The following MSRA variants were observed in gnomAD, a reference collection of about 807,000 sequenced individuals.
The protein encoded by MSRA is methionine sulfoxide reductase A.
A neutral mutation model predicts 31.3 loss-of-function variants in MSRA; 54 were observed. The ratio of observed to expected loss-of-function variants is 1.73; its 90% CI spans 1.39 to 2.17. The LOEUF is 2.17. Among genes scored for constraint, MSRA ranks in the 30% most tolerant of loss-of-function variants. The pLI is 0.00. For synonymous variants in MSRA, 169 were observed against 116.5 expected (o/e 1.45, Z -2.90); for missense variants, 507 against 300.9 (o/e 1.69, Z -5.07).
intron 1 of MSRA, among the ~76,000 whole-genome samples, chr8:10,113,681 G>A (rs1415290911): frequency 1.3e-5 from 2 of 151,928 alleles, no homozygotes; most frequent in Non-Finnish European, 2.9e-5. Context: ...AGTTAAAGGT[G>A]GAAGACTGTT....
At chr8:10,283,836 T>TATATATATATATATACAC (rs1261287031) in intron 3 of MSRA, among the ~76,000 whole-genome samples, 3 of 53,166 alleles carry the variant, frequency 5.6e-5, no homozygotes, top group African/African-American at 1.7e-4. Flanking sequence ...TATATATATA[T>TATATATATATATATACAC]ACACACACAC....
intron 4 of MSRA, among the ~76,000 whole-genome samples, chr8:10,306,758 G>A (rs2129128835): frequency 6.6e-6 from 1 of 152,208 alleles, no homozygotes; most frequent in South Asian, 2.1e-4. Context: ...TGGGACTCGG[G>A]GCACAGACTG....
At chr8:10,071,799 A>G (rs914529082) in intron 1 of MSRA, among the ~76,000 whole-genome samples, 1 of 152,204 alleles carries the variant, frequency 6.6e-6, no homozygotes, top group African/African-American at 2.4e-5. Context: ...AGCAAAAACC[A>G]TCATTATGCC....
chr8:10,347,331 C>G (rs1658892687), intron 5 of MSRA, among the ~76,000 whole-genome samples: 1 of 152,204 alleles, frequency 6.6e-6, no homozygotes, highest in African/African-American at 2.4e-5. Context: ...TTACGGATAT[C>G]TGCAACTGGA....
chr8:10,154,924 T>A (rs1248033870), intron 1 of MSRA, among the ~76,000 whole-genome samples: 1 of 150,684 alleles, frequency 6.6e-6, no homozygotes, highest in Admixed American at 6.6e-5. Flanking sequence ...AGCTTAACAT[T>A]ACCTTTTTAA....
At chr8:10,321,730 AG>A (rs1802053673) in intron 5 of MSRA, among the ~76,000 whole-genome samples, 1 of 152,192 alleles carries the variant, frequency 6.6e-6, no homozygotes, top group African/African-American at 2.4e-5. Context: ...CACGTCATGA[AG>A]CAGCCCTGTG....
chr8:10,412,915 T>C (rs946222420), intron 5 of MSRA, among the ~76,000 whole-genome samples: 24 of 152,212 alleles, frequency 1.6e-4, no homozygotes, highest in Non-Finnish European at 2.9e-4. Context: ...TGGAAAACCA[T>C]TGGAAATTTC....
chr8:10,160,748 T>G (rs1284404939), intron 1 of MSRA, among the ~76,000 whole-genome samples: 2 of 152,036 alleles, frequency 1.3e-5, no homozygotes, highest in Non-Finnish European at 2.9e-5. Context: ...CAGGCAGATC[T>G]TGAACTCCTG....
At chr8:10,194,679 G>C (rs565839836) in intron 1 of MSRA, among the ~76,000 whole-genome samples, 2 of 152,194 alleles carry the variant, frequency 1.3e-5, no homozygotes, top group Non-Finnish European at 2.9e-5. Flanking sequence ...GAATTTTAAA[G>C]CTGGGTTGCA....
chr8:10,264,293 T>C (rs1349472934), intron 3 of MSRA, among the ~76,000 whole-genome samples: 1 of 152,226 alleles, frequency 6.6e-6, no homozygotes, highest in East Asian at 1.9e-4. Flanking sequence ...GCATGTAGCA[T>C]TTAACCTCCT....
intron 5 of MSRA, among the ~76,000 whole-genome samples, chr8:10,367,778 C>G (rs1159267025): frequency 6.6e-6 from 1 of 152,240 alleles, no homozygotes; most frequent in Admixed American, 6.5e-5. Context: ...TGGAGCTAGT[C>G]TGAAGTGCCT....
chr8:10,369,220 T>G (rs1266906851), intron 5 of MSRA, among the ~76,000 whole-genome samples: 1 of 151,996 alleles, frequency 6.6e-6, no homozygotes, highest in African/African-American at 2.4e-5. Context: ...TTAAATACTG[T>G]TGAATTATGC....
At chr8:10,266,756 A>C (rs982480311) in intron 3 of MSRA, among the ~76,000 whole-genome samples, 1 of 152,168 alleles carries the variant, frequency 6.6e-6, no homozygotes, top group African/African-American at 2.4e-5. Flanking sequence ...TATATAGTGC[A>C]AGTCATTTGA....
chr8:10,283,836 T>TATACACACACACAC (rs1261287031), intron 3 of MSRA, among the ~76,000 whole-genome samples: 3 of 53,166 alleles, frequency 5.6e-5, no homozygotes, highest in South Asian at 9.9e-4. Context: ...TATATATATA[T>TATACACACACACAC]ACACACACAC....
chr8:10,373,600 G>A (rs546452577), intron 5 of MSRA, among the ~76,000 whole-genome samples: 1 of 152,372 alleles, frequency 6.6e-6, no homozygotes, highest in South Asian at 2.1e-4. Flanking sequence ...GGGGAAGCAG[G>A]GCAGGAACTG....
At chr8:10,215,066 C>A (rs1263115005) in intron 2 of MSRA, among the ~76,000 whole-genome samples, 5 of 152,118 alleles carry the variant, frequency 3.3e-5, no homozygotes, top group African/African-American at 1.2e-4. Context: ...GGAAGGTGGA[C>A]TGTAGGTTGG....
At chr8:10,192,951 CATATT>C (rs1197275283) in intron 1 of MSRA, among the ~76,000 whole-genome samples, 1 of 152,104 alleles carries the variant, frequency 6.6e-6, no homozygotes, top group Non-Finnish European at 1.5e-5. Flanking sequence ...GGGGTTTGCC[CATATT>C]ATATTATGTT....
chr8:10,128,481 G>C (rs1801660727), intron 1 of MSRA, among the ~76,000 whole-genome samples: 1 of 152,042 alleles, frequency 6.6e-6, no homozygotes, highest in Admixed American at 6.5e-5. Context: ...ATCTGACTTT[G>C]TCTGTTTCTA....
In MSRA at chr8:10,157,173, T is replaced by G. The variant is rs528592838; in HGVS notation, c.143-50660T>G. On this transcript the variant is annotated intron_variant, in intron 1 of 5. Transcript: ENST00000317173. Reference sequence around the variant, plus strand: ...CTGTATGCCTGGAAATAAACCATTTTACATAGTTTCTAATGGGATTACATT... The same window carrying G: ...CTGTATGCCTGGAAATAAACCATTTGACATAGTTTCTAATGGGATTACATT... 3.9e-5 allele frequency among the ~76,000 whole-genome samples: 6 copies of G among 152,284 alleles called. No homozygotes were observed. The South Asian group carries it at 1.2e-3, about 32-fold the overall frequency.
Sources: gnomAD v4.1 joint callset for allele counts (sites outside exome capture counted in the v4.1 genomes callset) on GRCh38, gnomAD v4.1.1 for gene constraint, MANE v1.5 for transcripts, NCBI Gene and HGNC (gene_info 2026-07-23, HGNC 2026-07-21) for gene names.